The following HTR4 variants were observed in gnomAD, a reference collection of about 807,000 sequenced individuals.
The protein encoded by HTR4 is 5-hydroxytryptamine (serotonin) receptor 4, G protein-coupled.
HTR4 carries 16 observed loss-of-function variants against 36.8 expected under a neutral mutation model. That is an observed-to-expected ratio of 0.43 (90% CI 0.29 to 0.66). HTR4 has a LOEUF of 0.66. Among genes scored for constraint, HTR4 ranks in the 30% least tolerant of loss-of-function variants. The pLI is 0.13. For missense variants in HTR4, 438 were observed against 490.9 expected (o/e 0.89, Z 1.02); for synonymous variants, 189 against 185.1 (o/e 1.02, Z -0.17).
intron 4 of HTR4, among the ~76,000 whole-genome samples, chr5:148,524,034 T>A (rs369407974): frequency 1.3e-5 from 2 of 151,244 alleles, no homozygotes; most frequent in Admixed American, 6.6e-5. Flanking sequence ...TTCCCCTCCA[T>A]CCCCCCATCC....
At chr5:148,643,361 A>G (rs1753783879) in intron 1 of HTR4, among the ~76,000 whole-genome samples, 1 of 152,192 alleles carries the variant, frequency 6.6e-6, no homozygotes, top group Admixed American at 6.5e-5. Context: ...ATAAAGGGGT[A>G]ACATACACTT....
chr5:148,542,519 C>T (rs1413094820), intron 4 of HTR4, among the ~76,000 whole-genome samples: 1 of 152,006 alleles, frequency 6.6e-6, no homozygotes, highest in African/African-American at 2.4e-5. Flanking sequence ...AGAATTTTGC[C>T]GATAAAACAC....
intron 2 of HTR4, among the ~76,000 whole-genome samples, chr5:148,575,633 T>G (rs771647585): frequency 6.6e-6 from 1 of 152,110 alleles, no homozygotes; most frequent in African/African-American, 2.4e-5. Flanking sequence ...GGACTCATTT[T>G]CTATAATTGC....
At chr5:148,600,275 A>G (rs1318962733) in intron 2 of HTR4, among the ~76,000 whole-genome samples, 1 of 148,086 alleles carries the variant, frequency 6.8e-6, no homozygotes, top group Non-Finnish European at 1.5e-5. Context: ...ATACATATAT[A>G]ACATATATAC....
intron 5 of HTR4, among the ~76,000 whole-genome samples, chr5:148,512,580 C>T (rs1757543719): frequency 6.6e-6 from 1 of 152,076 alleles, no homozygotes; most frequent in South Asian, 2.1e-4. Flanking sequence ...TCTGAAAGAA[C>T]CTATACTTTT....
chr5:148,479,630 C>A (rs1429054131), downstream of HTR4, among the ~76,000 whole-genome samples: 1 of 152,134 alleles, frequency 6.6e-6, no homozygotes, highest in Non-Finnish European at 1.5e-5. Flanking sequence ...AAGATGCTTT[C>A]CATGTAAACA....
intron 4 of HTR4, among the ~76,000 whole-genome samples, chr5:148,540,575 G>A (rs933345907): frequency 5.9e-5 from 9 of 151,442 alleles, no homozygotes; most frequent in African/African-American, 1.9e-4. Flanking sequence ...GTGTTTCGAT[G>A]TCTGAAAGAT....
At chr5:148,557,071 G>A (rs1051611876) in intron 2 of HTR4, among the ~76,000 whole-genome samples, 2 of 152,138 alleles carry the variant, frequency 1.3e-5, no homozygotes, top group African/African-American at 2.4e-5. Context: ...ACAAGTAGTC[G>A]GAAGCCAGAC....
intron 5 of HTR4, among the ~76,000 whole-genome samples, chr5:148,510,717 G>A (rs892625283): frequency 6.6e-6 from 1 of 152,190 alleles, no homozygotes; most frequent in African/African-American, 2.4e-5. Context: ...CTCTTTGGGG[G>A]ATGCCATGGG....
At position 148,548,650 on chromosome 5, in the gene HTR4, A is replaced by G. The variant is rs752525123; in HGVS notation, c.353+18T>C. The stretch of plus-strand genomic sequence containing the variant: ...TCTCCAGCATGGAGCTCCGCTATGC[A>G]CATTGTTCTGTCCTTACCTATCCAG... On this transcript the variant is annotated intron_variant, in intron 4 of 6. Coordinates refer to ENST00000377888, the MANE Select transcript of HTR4 (RefSeq NM_000870.7). The G allele has an allele frequency of 3.8e-6, 6 of 1,579,052 alleles. No homozygotes were observed. Among genetic ancestry groups the G allele is most frequent in the Non-Finnish European group, 5.2e-6 (6 of 1,159,382 alleles).
intron 6 of HTR4, among the ~76,000 whole-genome samples, chr5:148,504,025 A>G (rs1757063795): frequency 6.6e-6 from 1 of 152,240 alleles, no homozygotes; most frequent in African/African-American, 2.4e-5. Flanking sequence ...AGAGACTTAG[A>G]TTCCCACACA....
chr5:148,575,089 TCTC>T (rs1760840673), intron 2 of HTR4, among the ~76,000 whole-genome samples: 1 of 152,020 alleles, frequency 6.6e-6, no homozygotes, highest in Non-Finnish European at 1.5e-5. Context: ...TCTGGGTACA[TCTC>T]CTTTTTACTT....
chr5:148,521,548 C>T (rs981519308), intron 5 of HTR4, among the ~76,000 whole-genome samples: 2 of 150,896 alleles, frequency 1.3e-5, no homozygotes, highest in African/African-American at 4.8e-5. Context: ...ACTATTGGCT[C>T]TCCTGGGAGT....
At chr5:148,588,527 C>CTTTTTTTT (rs35749777) in intron 2 of HTR4, among the ~76,000 whole-genome samples, 6 of 110,160 alleles carry the variant, frequency 5.4e-5, no homozygotes, top group African/African-American at 1.1e-4. Context: ...GGTTTTAATT[C>CTTTTTTTT]TTTTTTTTTT....
At chr5:148,545,454 C>A (rs1186587318) in intron 4 of HTR4, among the ~76,000 whole-genome samples, 4 of 152,226 alleles carry the variant, frequency 2.6e-5, no homozygotes, top group African/African-American at 9.6e-5. Flanking sequence ...TGTTCGTAGC[C>A]TTGGGCTTCC....
chr5:148,536,391 A>G (rs948206960), intron 4 of HTR4, among the ~76,000 whole-genome samples: 2 of 152,296 alleles, frequency 1.3e-5, no homozygotes, highest in East Asian at 1.9e-4. Context: ...ATCAACATTA[A>G]CCATGAATGT....
chr5:148,525,990 T>C (rs1361930709), intron 4 of HTR4, among the ~76,000 whole-genome samples: 1 of 152,210 alleles, frequency 6.6e-6, no homozygotes. Flanking sequence ...ATTGGAGTGA[T>C]GCGTCCATAA....
chr5:148,614,512 C>T (rs1480331238), intron 2 of HTR4, among the ~76,000 whole-genome samples: 1 of 152,052 alleles, frequency 6.6e-6, no homozygotes, highest in Non-Finnish European at 1.5e-5. Flanking sequence ...CTTCCTTACA[C>T]CTTATACAAA....
chr5:148,465,338 A>G (rs1245667018), intron 5 of HTR4, among the ~76,000 whole-genome samples: 1 of 152,170 alleles, frequency 6.6e-6, no homozygotes, highest in African/African-American at 2.4e-5. Context: ...GTAAGGAGGC[A>G]TATAGGAGAT....
Sources: allele counts gnomAD v4.1 joint callset (sites outside exome capture counted in the v4.1 genomes callset), GRCh38; gene constraint gnomAD v4.1.1; transcripts MANE v1.5; gene names NCBI Gene and HGNC (gene_info 2026-07-23, HGNC 2026-07-21).